PRR16: variants seen among roughly 807,000 people sequenced by gnomAD.
PRR16 encodes the protein proline rich 16.
A neutral mutation model predicts 18.2 loss-of-function variants in PRR16; 6 were observed. That is an observed-to-expected ratio of 0.33 (90% CI 0.18 to 0.65). The LOEUF (loss-of-function observed/expected upper bound fraction) is 0.65, where lower values mean the gene tolerates loss of function less well. Ranked by LOEUF, PRR16 falls within the 30% of genes least tolerant of loss-of-function variation. The pLI, the probability that PRR16 is intolerant of heterozygous loss-of-function variation, is 0.74. For synonymous variants in PRR16, 151 were observed against 147.8 expected (o/e 1.02, Z -0.16); for missense variants, 412 against 376.6 (o/e 1.09, Z -0.78).
At chr5:120,625,718 G>C (rs184744736) in intron 1 of PRR16, among the ~76,000 whole-genome samples, 5 of 152,038 alleles carry the variant, frequency 3.3e-5, no homozygotes, top group African/African-American at 1.2e-4. Context: ...TCAAGAGTGA[G>C]GTTTGCACCT....
intron 1 of PRR16, among the ~76,000 whole-genome samples, chr5:120,547,517 C>T (rs988390710): frequency 1.7e-4 from 26 of 151,814 alleles, no homozygotes; most frequent in African/African-American, 6.3e-4. Flanking sequence ...ATATGTGTTT[C>T]TGCCCTTGGA....
chr5:120,793,950 T>C, the PRR16 span, among the ~76,000 whole-genome samples: 1 of 152,090 alleles, frequency 6.6e-6, no homozygotes, highest in African/African-American at 2.4e-5. Flanking sequence ...AAAAGATACA[T>C]TGAAAATGTG....
intron 1 of PRR16, among the ~76,000 whole-genome samples, chr5:120,628,409 C>T (rs1171220735): frequency 6.6e-6 from 1 of 152,024 alleles, no homozygotes; most frequent in African/African-American, 2.4e-5. Context: ...TTAGAGCTCT[C>T]TGAGCATATG....
the PRR16 span, among the ~76,000 whole-genome samples, chr5:120,750,784 C>T: frequency 6.6e-6 from 1 of 152,128 alleles, no homozygotes. Context: ...TTCACCACTT[C>T]AAACATTTAT....
intron 1 of PRR16, among the ~76,000 whole-genome samples, chr5:120,597,216 G>A (rs1465810600): frequency 6.6e-6 from 1 of 151,332 alleles, no homozygotes; most frequent in Admixed American, 6.6e-5. Flanking sequence ...TAAGGTGTAT[G>A]CTTTAAAAAT....
chr5:120,705,299 AT>A, the PRR16 span, among the ~76,000 whole-genome samples: 31 of 152,078 alleles, frequency 2.0e-4, no homozygotes, highest in Admixed American at 2.0e-3. Flanking sequence ...AAACTATCCA[AT>A]AAAATATCCC....
At chr5:120,596,203 C>A (rs1753809709) in intron 1 of PRR16, among the ~76,000 whole-genome samples, 1 of 150,804 alleles carries the variant, frequency 6.6e-6, no homozygotes, top group Admixed American at 6.6e-5. Context: ...TTGATTTGGG[C>A]TCATGGAATA....
rs116363129 is a variant in PRR16 at position 120,591,287 on chromosome 5, G to C, written c.160-94667G>C. 4.6e-3 allele frequency among the ~76,000 whole-genome samples: 700 copies of C among 151,658 alleles called. 5 individuals carry two copies. Among genetic ancestry groups the C allele is most frequent in the African/African-American group, 0.016 (675 of 41,386 alleles). On this transcript the variant is annotated intron_variant, in intron 1 of 1. Coordinates refer to ENST00000407149, the MANE Select transcript of PRR16 (RefSeq NM_001300783.2). ...GTGCGAGACACCATCTCCAAAAAAA[G>C]AATAAATAAATAAATAAAAAATAAT... is the stretch of plus-strand genomic sequence containing the variant.
At chr5:120,793,517 C>A in the PRR16 span, among the ~76,000 whole-genome samples, 8 of 151,806 alleles carry the variant, frequency 5.3e-5, no homozygotes, top group African/African-American at 1.9e-4. Flanking sequence ...ATCAGAAGAC[C>A]TGAAAAAATC....
At chr5:120,674,812 G>A (rs528042557) in intron 1 of PRR16, among the ~76,000 whole-genome samples, 1 of 150,754 alleles carries the variant, frequency 6.6e-6, no homozygotes, top group Non-Finnish European at 1.5e-5. Flanking sequence ...CTTTTTTCTT[G>A]TATTTTTAAA....
the PRR16 span, among the ~76,000 whole-genome samples, chr5:120,755,592 G>C: frequency 1.3e-5 from 2 of 152,046 alleles, no homozygotes; most frequent in East Asian, 3.9e-4. Context: ...ATAGTATTCT[G>C]TGGTGTATAT....
chr5:120,726,594 C>G, the PRR16 span, among the ~76,000 whole-genome samples: 2 of 152,104 alleles, frequency 1.3e-5, no homozygotes, highest in Non-Finnish European at 2.9e-5. Context: ...TTTAATGTTT[C>G]TTAGTTTAGT....
the PRR16 span, among the ~76,000 whole-genome samples, chr5:120,794,138 G>C: frequency 6.6e-6 from 1 of 152,002 alleles, no homozygotes; most frequent in African/African-American, 2.4e-5. Context: ...TCATCAACAG[G>C]AAAGATTTAC....
At position 120,464,495 on chromosome 5, in the gene PRR16, C is replaced by G. The variant is rs1156482114; in HGVS notation, c.9C>G (p.Ala3=). Residue 3 remains alanine, a synonymous_variant, in exon 1 of 2, where the codon GCC becomes GCG. Coordinates refer to ENST00000407149, the MANE Select transcript of PRR16 (RefSeq NM_001300783.2). MS[A]KSKGNPSSSC... is the part of the protein sequence containing the mutation. ...TCGCTTGCCCCCAAAGAATGTCAGCCAAGTCCAAGGGGAACCCCTCCTCGT... is the reference window on the plus strand; with the variant it reads ...TCGCTTGCCCCCAAAGAATGTCAGCGAAGTCCAAGGGGAACCCCTCCTCGT... 1 of 1,588,958 alleles carries G rather than the reference C, an allele frequency of 6.3e-7. No homozygotes were observed. The highest frequency in any genetic ancestry group is 8.5e-7 in the Non-Finnish European group (1 of 1,175,758).
At chr5:120,529,630 C>G (rs992561051) in intron 1 of PRR16, among the ~76,000 whole-genome samples, 2 of 152,098 alleles carry the variant, frequency 1.3e-5, no homozygotes, top group African/African-American at 2.4e-5. Context: ...AGAAGTGTTC[C>G]TGTTCAAATC....
At chr5:120,560,744 A>G (rs984439788) in intron 1 of PRR16, among the ~76,000 whole-genome samples, 1 of 149,632 alleles carries the variant, frequency 6.7e-6, no homozygotes, top group African/African-American at 2.5e-5. Context: ...GAATTCAGCA[A>G]TGAAGCTACT....
the PRR16 span, among the ~76,000 whole-genome samples, chr5:120,775,054 A>G: frequency 6.6e-6 from 1 of 152,184 alleles, no homozygotes. Context: ...AAGGCATGAC[A>G]CTTACTAAAA....
At chr5:120,568,274 A>G (rs901544437) in intron 1 of PRR16, among the ~76,000 whole-genome samples, 4 of 152,142 alleles carry the variant, frequency 2.6e-5, no homozygotes, top group Admixed American at 6.5e-5. Context: ...ACTCAGGGAC[A>G]TTGTGGATCG....
chr5:120,470,406 G>C (rs1749230835), intron 1 of PRR16, among the ~76,000 whole-genome samples: 2 of 151,960 alleles, frequency 1.3e-5, no homozygotes, highest in Non-Finnish European at 2.9e-5. Flanking sequence ...ATAAAAATAA[G>C]TATACTAAAC....
Sources: gnomAD v4.1 joint callset for allele counts (sites outside exome capture counted in the v4.1 genomes callset) on GRCh38, gnomAD v4.1.1 for gene constraint, MANE v1.5 for transcripts, NCBI Gene and HGNC (gene_info 2026-07-23, HGNC 2026-07-21) for gene names.